Variants in C7 observed in about 807,000 individuals in gnomAD.
The protein encoded by C7 is complement C7, also known as complement component C7.
Under a neutral mutation model 104.8 loss-of-function variants are expected in C7, and 83 were observed. That is an observed-to-expected ratio of 0.79 (90% confidence interval 0.66 to 0.95). C7 has a LOEUF of 0.95. Among genes scored for constraint, C7 ranks in the 40% least tolerant of loss-of-function variants. The probability of loss-of-function intolerance (pLI) is 0.00; values close to 1 mark genes in which losing one functional copy is unlikely to be tolerated. For missense variants in C7, 1,070 were observed against 1,011.2 expected (o/e 1.06, Z -0.79); for synonymous variants, 415 against 360.6 (o/e 1.15, Z -1.71).
In C7 at chr5:40,921,359, T is replaced by C. The variant is rs1739434425; in HGVS notation, c.7-7221T>C. Among the ~76,000 whole-genome samples the C allele has an allele frequency of 2.0e-5, 3 of 152,162 alleles. No individual in the cohort carries two copies. In the South Asian group the frequency reaches 6.2e-4, roughly 32 times the overall value. On this transcript the variant is annotated intron_variant, in intron 1 of 17. Transcript: ENST00000313164. ...CATGCTCATGGATTGGAAAAATTAATACCATTAAAATATCTATACTCCCCA... is the reference window on the plus strand; with the variant it reads ...CATGCTCATGGATTGGAAAAATTAACACCATTAAAATATCTATACTCCCCA...
chr5:40,948,812 T>C (rs1740104374), intron 8 of C7, among the ~76,000 whole-genome samples: 3 of 152,192 alleles, frequency 2.0e-5, no homozygotes, highest in African/African-American at 7.2e-5. Context: ...TCAGAAAAGA[T>C]TCTGTTACAA....
At chr5:40,976,549 G>T in intron 15 of C7, 1 of 387,050 alleles carries the variant, frequency 2.6e-6, no homozygotes, top group Non-Finnish European at 4.6e-6. Flanking sequence ...TACTACCAAT[G>T]CAGTTATTTG....
chr5:40,911,913 A>ATT (rs745734485), intron 1 of C7, among the ~76,000 whole-genome samples: 6 of 127,582 alleles, frequency 4.7e-5, no homozygotes, highest in South Asian at 2.5e-4. Context: ...TAATTTTTGT[A>ATT]TTTTTTTTTT....
chr5:40,970,908 T>C (rs1029543442), intron 14 of C7, among the ~76,000 whole-genome samples: 20 of 152,192 alleles, frequency 1.3e-4, no homozygotes, highest in Admixed American at 1.3e-3. Context: ...GCTTCATCCA[T>C]GTCTCTGCAA....
chr5:40,945,415 G>A, intron 7 of C7, 47 bp downstream of exon 7: 1 of 1,306,106 alleles, frequency 7.7e-7, no homozygotes, highest in African/African-American at 1.5e-5. Context: ...ACTTTTTTAA[G>A]TATTGCTTAC....
At chr5:40,967,089 A>G (rs1740571836) in intron 14 of C7, among the ~76,000 whole-genome samples, 1 of 139,898 alleles carries the variant, frequency 7.1e-6, no homozygotes, top group African/African-American at 2.8e-5. Context: ...TTTCTTTGAG[A>G]TGGAGTCTTG....
chr5:40,940,966 CTCTATA>C (rs1739922997), intron 6 of C7, among the ~76,000 whole-genome samples: 1 of 151,686 alleles, frequency 6.6e-6, no homozygotes, highest in African/African-American at 2.4e-5. Context: ...CAGTGAATAT[CTCTATA>C]TCTATATGTA....
chr5:40,934,207 CGTT>C (rs1739757492), intron 3 of C7, 115 bp from the exon 4 acceptor site: 2 of 1,036,000 alleles, frequency 1.9e-6, no homozygotes, highest in Admixed American at 3.5e-5. Flanking sequence ...ATTTTCCAGA[CGTT>C]GTTTTTCTAA....
Position 40,972,422 on chromosome 5 carries a change from T to G in C7, c.1902T>G (p.Pro634=). ...MHCQKIACVL[P]VLMDGIQSHP... is the part of the protein sequence containing the mutation. ...CTTTAGAAATTGCCTGTGTTCTACC[T>G]GTACTGATGGATGGCATACAGAGTC... is the stretch of plus-strand genomic sequence containing the variant. Residue 634 remains proline, a synonymous_variant, in exon 15 of 18, where the codon CCT becomes CCG. Transcript: ENST00000313164. 1 of 1,613,858 alleles carries G rather than the reference T, an allele frequency of 6.2e-7. No individual in the cohort carries two copies. Among genetic ancestry groups the G allele is most frequent in the African/African-American group, 1.3e-5 (1 of 75,050 alleles).
At chr5:40,945,453 A>T in intron 7 of C7, 85 bp downstream of exon 7, 1 of 861,804 alleles carries the variant, frequency 1.2e-6, no homozygotes. Flanking sequence ...TATCAAAAGG[A>T]TCAGCTTTCA....
intron 6 of C7, among the ~76,000 whole-genome samples, chr5:40,943,403 A>G (rs1194107195): frequency 6.6e-6 from 1 of 152,206 alleles, no homozygotes; most frequent in Non-Finnish European, 1.5e-5. Context: ...GAAGGAGGGT[A>G]TTAATTAAAG....
At chr5:40,974,509 G>A (rs893236849) in intron 15 of C7, among the ~76,000 whole-genome samples, 4 of 151,436 alleles carry the variant, frequency 2.6e-5, no homozygotes, top group Non-Finnish European at 5.9e-5. Flanking sequence ...TCTGCCTCCC[G>A]GGTTCACACC....
intron 1 of C7, 76 bp from the exon 2 acceptor site, chr5:40,928,504 C>T (rs966707729): frequency 1.2e-6 from 1 of 812,948 alleles, no homozygotes; most frequent in Non-Finnish European, 2.0e-6. Context: ...TAAATTTATA[C>T]AATTATAAAT....
chr5:40,927,418 T>G (rs1739576965), intron 1 of C7, among the ~76,000 whole-genome samples: 1 of 152,172 alleles, frequency 6.6e-6, no homozygotes, highest in East Asian at 1.9e-4. Context: ...CTGAAAAGTT[T>G]CTGCATGGCA....
At chr5:40,924,801 G>A (rs1024814423) in intron 1 of C7, among the ~76,000 whole-genome samples, 25 of 152,216 alleles carry the variant, frequency 1.6e-4, no homozygotes, top group Non-Finnish European at 3.7e-4. Flanking sequence ...ACTGAGCCAA[G>A]GCTGGAGCTG....
chr5:40,931,844 C>T (rs324054), intron 3 of C7, among the ~76,000 whole-genome samples: 3,797 of 152,228 alleles, frequency 0.025, 173 homozygotes, highest in African/African-American at 0.085. Context: ...CTGTAATCTC[C>T]GCCTCCCGGG....
intron 6 of C7, among the ~76,000 whole-genome samples, chr5:40,939,023 C>A (rs952243233): frequency 6.6e-6 from 1 of 152,134 alleles, no homozygotes; most frequent in African/African-American, 2.4e-5. Context: ...TCTCTCACTC[C>A]TTTTCCTCCC....
At chr5:40,922,063 C>T (rs1278811542) in intron 1 of C7, among the ~76,000 whole-genome samples, 1 of 149,724 alleles carries the variant, frequency 6.7e-6, no homozygotes, top group African/African-American at 2.5e-5. Flanking sequence ...AACAAACAAA[C>T]AAACAAAAAC....
chr5:40,941,242 T>C (rs1470097717), intron 6 of C7, among the ~76,000 whole-genome samples: 1 of 152,018 alleles, frequency 6.6e-6, no homozygotes, highest in East Asian at 1.9e-4. Context: ...TTTTGTATTT[T>C]TAGTAGATAC....
Sources: gnomAD v4.1 joint callset for allele counts (sites outside exome capture counted in the v4.1 genomes callset) on GRCh38, gnomAD v4.1.1 for gene constraint, MANE v1.5 for transcripts, NCBI Gene and HGNC (gene_info 2026-07-23, HGNC 2026-07-21) for gene names.